CNTN3: variants seen among roughly 807,000 people sequenced by gnomAD.
The protein encoded by CNTN3 is contactin-3.
A neutral mutation model predicts 119.1 loss-of-function variants in CNTN3; 60 were observed. The observed-to-expected ratio is 0.50, with a 90% confidence interval of 0.41 to 0.62. CNTN3 has a LOEUF of 0.62. Ranked by LOEUF, CNTN3 falls within the 20% of genes least tolerant of loss-of-function variation. CNTN3 has a pLI of 0.00. For missense variants in CNTN3, 1,101 were observed against 1,242.4 expected, an observed-to-expected ratio of 0.89 and a Z score of 1.71; for synonymous variants, 450 against 438.7, an observed-to-expected ratio of 1.03 and a Z score of -0.32.
chr3:74,407,355 A>C (rs1575695592), intron 5 of CNTN3, among the ~76,000 whole-genome samples: 2 of 133,086 alleles, frequency 1.5e-5, no homozygotes, highest in Admixed American at 9.4e-5. Context: ...CATAACCTCC[A>C]CCTCCTGGGT....
At chr3:74,271,234 A>G (rs891034641) in intron 20 of CNTN3, among the ~76,000 whole-genome samples, 5 of 152,122 alleles carry the variant, frequency 3.3e-5, no homozygotes, top group Non-Finnish European at 7.3e-5. Flanking sequence ...GTTCATCACA[A>G]TGGAATATCA....
chr3:74,344,389 A>C (rs1703627034), intron 11 of CNTN3, among the ~76,000 whole-genome samples: 1 of 139,774 alleles, frequency 7.2e-6, no homozygotes, highest in African/African-American at 2.7e-5. Context: ...TTACAACCTT[A>C]CACAGTGGTT....
At chr3:74,611,525 G>A (rs1005839843) in intron 1 of CNTN3, among the ~76,000 whole-genome samples, 10 of 152,074 alleles carry the variant, frequency 6.6e-5, no homozygotes, top group Admixed American at 1.3e-4. Flanking sequence ...TACAACACTC[G>A]ATCCATTTCT....
At chr3:74,433,712 C>G (rs762775436) in intron 4 of CNTN3, among the ~76,000 whole-genome samples, 1 of 152,166 alleles carries the variant, frequency 6.6e-6, no homozygotes, top group Non-Finnish European at 1.5e-5. Flanking sequence ...TCCTTTTCCC[C>G]AAGCACAAAA....
intron 1 of CNTN3, among the ~76,000 whole-genome samples, chr3:74,590,226 G>T (rs966391490): frequency 2.0e-5 from 3 of 152,104 alleles, no homozygotes. Context: ...CATTTGGAAG[G>T]GAGTGGAGGA....
At chr3:74,562,090 A>G (rs1036883272) in intron 1 of CNTN3, among the ~76,000 whole-genome samples, 5 of 151,906 alleles carry the variant, frequency 3.3e-5, no homozygotes, top group Non-Finnish European at 7.4e-5. Context: ...TGGGACCGAG[A>G]CTCCATGAGG....
intron 11 of CNTN3, among the ~76,000 whole-genome samples, chr3:74,341,708 A>C (rs1353500124): frequency 6.6e-6 from 1 of 152,106 alleles, no homozygotes; most frequent in African/African-American, 2.4e-5. Context: ...ATGACTGTTA[A>C]AAAACTTTGT....
intron 1 of CNTN3, among the ~76,000 whole-genome samples, chr3:74,600,898 C>T (rs1031858301): frequency 1.3e-5 from 2 of 152,010 alleles, no homozygotes; most frequent in African/African-American, 4.8e-5. Context: ...CATATGAAAC[C>T]TTCCTTGATC....
intron 1 of CNTN3, among the ~76,000 whole-genome samples, chr3:74,553,726 G>A (rs183183126): frequency 2.0e-5 from 3 of 152,304 alleles, no homozygotes; most frequent in East Asian, 1.9e-4. Flanking sequence ...TTTGAGAAGT[G>A]TCTGTTCATG....
intron 1 of CNTN3, among the ~76,000 whole-genome samples, chr3:74,607,620 C>T (rs2106713816): frequency 1.3e-5 from 2 of 152,270 alleles, no homozygotes; most frequent in Middle Eastern, 3.4e-3. Context: ...CAGAGAACCA[C>T]CCAAATGTTA....
intron 20 of CNTN3, among the ~76,000 whole-genome samples, chr3:74,274,276 C>T (rs1351164386): frequency 1.3e-5 from 2 of 152,028 alleles, no homozygotes; most frequent in African/African-American, 4.8e-5. Flanking sequence ...CCCGGCCCAC[C>T]AACTGTTCCT....
chr3:74,377,019 G>C (rs1487278140), intron 5 of CNTN3, among the ~76,000 whole-genome samples: 1 of 150,876 alleles, frequency 6.6e-6, no homozygotes, highest in Non-Finnish European at 1.5e-5. Context: ...ATGATTATAA[G>C]ATCAATATAA....
At chr3:74,498,344 C>G (rs1226274646) in intron 3 of CNTN3, among the ~76,000 whole-genome samples, 1 of 151,770 alleles carries the variant, frequency 6.6e-6, no homozygotes, top group Non-Finnish European at 1.5e-5. Flanking sequence ...ATGCTTATGT[C>G]TGATTAATGG....
chr3:74,334,694 A>G (rs202111716), intron 13 of CNTN3, 41 bp downstream of exon 13: 1 of 1,549,666 alleles, frequency 6.5e-7, no homozygotes, highest in Admixed American at 1.7e-5. Flanking sequence ...TGCCAGAGAC[A>G]CATGCAATAT....
At chr3:74,554,576 G>C (rs930743677) in intron 1 of CNTN3, among the ~76,000 whole-genome samples, 2 of 152,060 alleles carry the variant, frequency 1.3e-5, no homozygotes, top group Non-Finnish European at 2.9e-5. Context: ...ATTTGTTTGT[G>C]TCCTCTCTTA....
chr3:74,298,131 G>A lies in CNTN3; in HGVS notation c.2227C>T (p.Leu743Phe). 1 of 1,612,994 alleles carries A rather than the reference G, an allele frequency of 6.2e-7. No individual in the cohort carries two copies. Among genetic ancestry groups the A allele is most frequent in the Non-Finnish European group, 8.5e-7 (1 of 1,179,320 alleles). The stretch of plus-strand genomic sequence containing the variant: ...GTCTGGATCCAGGTGGTAACCCCAA[G>A]AGGGCGGAAAGCAACAACATACCCA... ...GFGYVVAFRP[L>F]GVTTWIQTVV... The change falls in exon 18 of 23, where the codon CTT becomes TTT. Residue 743 changes from leucine to phenylalanine, a missense_variant. Physicochemically the swap from Leu to Phe is conservative, Grantham distance 22 (BLOSUM62 0). Transcript: ENST00000263665.
intron 5 of CNTN3, among the ~76,000 whole-genome samples, chr3:74,383,974 T>G (rs952575803): frequency 1.3e-5 from 2 of 152,254 alleles, no homozygotes; most frequent in African/African-American, 4.8e-5. Context: ...AGCTCATTTT[T>G]GCCTGAGGCA....
At chr3:74,456,460 G>A (rs1300339210) in intron 4 of CNTN3, among the ~76,000 whole-genome samples, 1 of 151,984 alleles carries the variant, frequency 6.6e-6, no homozygotes, top group Non-Finnish European at 1.5e-5. Context: ...ATCTCAACAG[G>A]AGGGGAATAG....
chr3:74,523,768 A>C (rs1451953257), intron 1 of CNTN3, among the ~76,000 whole-genome samples: 1 of 151,886 alleles, frequency 6.6e-6, no homozygotes, highest in Non-Finnish European at 1.5e-5. Flanking sequence ...ATTTGGAAAA[A>C]AATACATGGT....
Sources: gnomAD v4.1 joint callset for allele counts (sites outside exome capture counted in the v4.1 genomes callset) on GRCh38, gnomAD v4.1.1 for gene constraint, MANE v1.5 for transcripts, NCBI Gene and HGNC (gene_info 2026-07-23, HGNC 2026-07-21) for gene names.